KCNQ3: variants seen among roughly 807,000 people sequenced by gnomAD.
The protein encoded by KCNQ3 is potassium voltage-gated channel subfamily Q member 3, also known as potassium voltage-gated channel subfamily KQT member 3.
In KCNQ3, 30 loss-of-function variants were observed where a neutral mutation model predicts 92.5. The ratio of observed to expected loss-of-function variants is 0.32; its 90% confidence interval spans 0.24 to 0.44. The LOEUF (loss-of-function observed/expected upper bound fraction) is 0.44, where lower values mean the gene tolerates loss of function less well. Ranked by LOEUF, KCNQ3 falls within the 20% of genes least tolerant of loss-of-function variation. KCNQ3 has a pLI of 1.00. For synonymous variants in KCNQ3, 450 were observed against 468.8 expected, an observed-to-expected ratio of 0.96 and a Z score of 0.52; for missense variants, 913 against 1,140.3, an observed-to-expected ratio of 0.80 and a Z score of 2.87.
rs573216530 is a variant in KCNQ3 at position 132,317,979 on chromosome 8, T to A, written c.387-131798A>T. 3.9e-5 allele frequency among the ~76,000 whole-genome samples: 6 copies of A among 152,336 alleles called. No individual in the cohort carries two copies. In the South Asian group the frequency reaches 6.2e-4, roughly 16 times the overall value. ...AAGCAGTAAAACAGCAGTGAAAGCA[T>A]CCTGGGTCTGCACAGCCAGTCCCAG... On this transcript the variant is annotated intron_variant, in intron 1 of 14. Transcript: ENST00000388996.
chr8:132,283,447 A>T (rs1287992767), intron 1 of KCNQ3, among the ~76,000 whole-genome samples: 2 of 152,216 alleles, frequency 1.3e-5, no homozygotes, highest in Admixed American at 1.3e-4. Context: ...CAAAGGAAAG[A>T]CCAGCATACT....
chr8:132,285,200 G>T (rs1816646337), intron 1 of KCNQ3, among the ~76,000 whole-genome samples: 1 of 152,152 alleles, frequency 6.6e-6, no homozygotes, highest in African/African-American at 2.4e-5. Flanking sequence ...ATAGCAGGCT[G>T]GAAAAAAGCC....
At chr8:132,143,754 C>T (rs2436142) in intron 9 of KCNQ3, among the ~76,000 whole-genome samples, 59,501 of 152,050 alleles carry the variant, frequency 0.39, 11,897 homozygotes, top group East Asian at 0.49. Flanking sequence ...CCCACAGAAG[C>T]AGTAGAAGGC....
At chr8:132,284,004 G>C (rs1304426132) in intron 1 of KCNQ3, among the ~76,000 whole-genome samples, 1 of 152,186 alleles carries the variant, frequency 6.6e-6, no homozygotes, top group Non-Finnish European at 1.5e-5. Flanking sequence ...GTCTTTAGAA[G>C]GCTAGAGCCA....
At position 132,154,192 on chromosome 8, in the gene KCNQ3, A is replaced by ATTTTTTTTTTT. The variant is rs1563775830; in HGVS notation, c.1262+9275_1262+9276insAAAAAAAAAAA. On this transcript the variant is annotated intron_variant, in intron 9 of 14. Coordinates refer to ENST00000388996, the MANE Select transcript of KCNQ3 (RefSeq NM_004519.4). ...CCTGATGTACCATCAAAAGGGTAAAAGTTTTTTTTTTTTTTTTTTTTTTTT... is the reference window on the plus strand; with the variant it reads ...CCTGATGTACCATCAAAAGGGTAAAATTTTTTTTTTTGTTTTTTTTTTTTTTTTTTTTTTTT... Among the ~76,000 whole-genome samples, 15 of 104,468 alleles carry ATTTTTTTTTTT rather than the reference A, an allele frequency of 1.4e-4. 1 individual carries two copies. The highest frequency in any genetic ancestry group is 3.3e-4 in the African/African-American group (10 of 30,282). The allele number at this position is 104,468 out of a possible 152,430, so 68.5% of individuals were successfully genotyped here. A position where few individuals can be genotyped will look rare whatever the true frequency, so the allele number is the denominator to read the frequency against.
At chr8:132,435,188 G>A (rs917805968) in intron 1 of KCNQ3, among the ~76,000 whole-genome samples, 2 of 152,140 alleles carry the variant, frequency 1.3e-5, no homozygotes, top group Admixed American at 6.5e-5. Flanking sequence ...TGGACCCAAT[G>A]CTCCCACTGA....
At chr8:132,419,424 G>A (rs1265228639) in intron 1 of KCNQ3, among the ~76,000 whole-genome samples, 1 of 152,168 alleles carries the variant, frequency 6.6e-6, no homozygotes, top group Admixed American at 6.5e-5. Context: ...ATCTCCCTCT[G>A]TCTTACCATT....
chr8:132,279,216 TA>T lies in KCNQ3; in HGVS notation c.387-93036del, dbSNP rs543739987. Among the ~76,000 whole-genome samples, 856 of 151,422 alleles carry T rather than the reference TA, an allele frequency of 5.7e-3. 2 individuals are homozygous for T. The highest frequency in any genetic ancestry group is 9.5e-3 in the Non-Finnish European group (642 of 67,786). ...CTGGGTGACAGAGCCAGATTCCATC[TA>T]AAAAAAAATGCAGATGCTTAGATCC... On this transcript the variant is annotated intron_variant, in intron 1 of 14. Coordinates refer to ENST00000388996, the MANE Select transcript of KCNQ3 (RefSeq NM_004519.4).
At chr8:132,479,407 A>G (rs1822490127) in intron 1 of KCNQ3, among the ~76,000 whole-genome samples, 1 of 152,006 alleles carries the variant, frequency 6.6e-6, no homozygotes, top group Non-Finnish European at 1.5e-5. Context: ...CGGATCCCAA[A>G]TCAAGGAGAT....
intron 9 of KCNQ3, 141 bp downstream of exon 9, chr8:132,163,327 A>G: frequency 3.9e-6 from 3 of 766,552 alleles, no homozygotes; most frequent in South Asian, 1.4e-5. Flanking sequence ...GCAGAGGACT[A>G]TGGTGGTCAG....
At chr8:132,436,060 A>C (rs1407479895) in intron 1 of KCNQ3, among the ~76,000 whole-genome samples, 1 of 152,236 alleles carries the variant, frequency 6.6e-6, no homozygotes, top group Non-Finnish European at 1.5e-5. Context: ...CCTTGCCTTC[A>C]TTCCAGGAAA....
In KCNQ3 at chr8:132,217,689, C is replaced by T. The variant is rs191362789; in HGVS notation, c.387-31508G>A. Among the ~76,000 whole-genome samples, 970 of 129,576 alleles carry T rather than the reference C, an allele frequency of 7.5e-3. 7 individuals are homozygous for T. The highest frequency in any genetic ancestry group is 0.015 in the South Asian group (63 of 4,104). 85.0% of individuals were successfully genotyped at this position (129,576 alleles called of 152,430 possible). On this transcript the variant is annotated intron_variant, in intron 1 of 14. Coordinates refer to ENST00000388996, the MANE Select transcript of KCNQ3 (RefSeq NM_004519.4). ...TTGTGCCACTGCACTCCAGCCTGGG[C>T]GACAGAGTGAGGCTCTGTCTCAAAA... is the stretch of plus-strand genomic sequence containing the variant.
At chr8:132,275,118 T>G (rs1286495344) in intron 1 of KCNQ3, among the ~76,000 whole-genome samples, 1 of 152,154 alleles carries the variant, frequency 6.6e-6, no homozygotes, top group African/African-American at 2.4e-5. Context: ...AATAGGACCC[T>G]TTTGGAATGG....
At chr8:132,422,742 T>C (rs1821008333) in intron 1 of KCNQ3, among the ~76,000 whole-genome samples, 1 of 152,200 alleles carries the variant, frequency 6.6e-6, no homozygotes, top group African/African-American at 2.4e-5. Flanking sequence ...TGCATAATTA[T>C]TTGTCCATTT....
chr8:132,350,538 G>C (rs897291466), intron 1 of KCNQ3, among the ~76,000 whole-genome samples: 1 of 152,150 alleles, frequency 6.6e-6, no homozygotes, highest in Non-Finnish European at 1.5e-5. Context: ...ATCCCAGTAA[G>C]GGTGGGCACT....
chr8:132,129,121 C>T lies in KCNQ3; in HGVS notation c.*141G>A. The T allele has an allele frequency of 1.1e-6, 1 of 950,368 alleles. No individual in the cohort carries two copies. The highest frequency in any genetic ancestry group is 1.6e-6 in the Non-Finnish European group (1 of 626,256). 58.9% of individuals were successfully genotyped at this position (950,368 alleles called of 1,614,324 possible). On this transcript the variant is annotated 3_prime_UTR_variant, in exon 15 of 15. Coordinates refer to ENST00000388996, the MANE Select transcript of KCNQ3 (RefSeq NM_004519.4). This position sits in a 1 kb window ranked among gnomAD's most constrained non-coding sequence, Gnocchi z 5.9. ...GGGGAGGAAGAGGCTGTGGGAAGCC[C>T]CTGCCTGGGTGGGGCCACCACGCAC...
At chr8:132,419,553 C>T (rs1255059347) in intron 1 of KCNQ3, among the ~76,000 whole-genome samples, 1 of 152,098 alleles carries the variant, frequency 6.6e-6, no homozygotes, top group Non-Finnish European at 1.5e-5. Flanking sequence ...ATCATGGGGG[C>T]CAGAGAAAAG....
At chr8:132,453,915 G>C (rs780075780) in intron 1 of KCNQ3, among the ~76,000 whole-genome samples, 1 of 152,182 alleles carries the variant, frequency 6.6e-6, no homozygotes, top group Non-Finnish European at 1.5e-5. Flanking sequence ...AGGCTTCCGA[G>C]AGCAGCTTCC....
At chr8:132,360,677 C>T (rs1819140363) in intron 1 of KCNQ3, among the ~76,000 whole-genome samples, 1 of 152,222 alleles carries the variant, frequency 6.6e-6, no homozygotes, top group Admixed American at 6.5e-5. Flanking sequence ...CTGGTCCCTC[C>T]TCTTTCCTCC....
Sources: gnomAD v4.1 joint callset for allele counts (sites outside exome capture counted in the v4.1 genomes callset) on GRCh38, gnomAD v4.1.1 for gene constraint, Gnocchi (gnomAD v3.1) non-coding constraint, MANE v1.5 for transcripts, NCBI Gene and HGNC (gene_info 2026-07-23, HGNC 2026-07-21) for gene names.